ZFAND3: variants seen among roughly 807,000 people sequenced by gnomAD.
ZFAND3 encodes zinc finger AN1-type containing 3.
Under a neutral mutation model 29.6 loss-of-function variants are expected in ZFAND3, and 10 were observed. The observed-to-expected ratio is 0.34, with a 90% CI of 0.21 to 0.57. The LOEUF is 0.57. Among genes scored for constraint, ZFAND3 ranks in the 20% least tolerant of loss-of-function variants. The pLI, the probability that ZFAND3 is intolerant of heterozygous loss-of-function variation, is 0.86. For synonymous variants in ZFAND3, 128 were observed against 112.6 expected (o/e 1.14, Z -0.87); for missense variants, 230 against 304.5 (o/e 0.76, Z 1.82).
intron 2 of ZFAND3, among the ~76,000 whole-genome samples, chr6:38,024,298 G>C (rs1335087972): frequency 1.3e-5 from 2 of 151,590 alleles, no homozygotes; most frequent in African/African-American, 4.8e-5. Context: ...TGGTGAAACT[G>C]TCTCTACTAA....
intron 3 of ZFAND3, among the ~76,000 whole-genome samples, chr6:38,062,068 G>A (rs1764252399): frequency 6.6e-6 from 1 of 152,144 alleles, no homozygotes; most frequent in African/African-American, 2.4e-5. Flanking sequence ...TTAATCTTTA[G>A]CACCATTCCC....
intron 2 of ZFAND3, among the ~76,000 whole-genome samples, chr6:38,009,678 C>T (rs1382100185): frequency 3.3e-5 from 5 of 152,086 alleles, no homozygotes; most frequent in Non-Finnish European, 7.4e-5. Flanking sequence ...GTTCCTGGGC[C>T]AGATTAGGTC....
At chr6:37,976,674 A>T (rs1255379137) in intron 2 of ZFAND3, among the ~76,000 whole-genome samples, 1 of 151,630 alleles carries the variant, frequency 6.6e-6, no homozygotes, top group Non-Finnish European at 1.5e-5. Context: ...CTGCATGAAC[A>T]GGGAGGCCTC....
intron 2 of ZFAND3, among the ~76,000 whole-genome samples, chr6:37,962,431 T>G (rs1250041723): frequency 6.6e-6 from 1 of 152,180 alleles, no homozygotes; most frequent in Non-Finnish European, 1.5e-5. Flanking sequence ...GAAAGTTTAT[T>G]CAAATGGCAG....
At chr6:37,856,661 G>C (rs929932931) in intron 1 of ZFAND3, among the ~76,000 whole-genome samples, 1 of 151,944 alleles carries the variant, frequency 6.6e-6, no homozygotes, top group African/African-American at 2.4e-5. Context: ...TCTTGATACT[G>C]TGCCTAATAC....
At chr6:38,139,628 G>A (rs1005917717) in intron 5 of ZFAND3, among the ~76,000 whole-genome samples, 1 of 152,148 alleles carries the variant, frequency 6.6e-6, no homozygotes, top group Non-Finnish European at 1.5e-5. Context: ...GGTTGAGATC[G>A]TGCTTCAGTG....
intron 5 of ZFAND3, among the ~76,000 whole-genome samples, chr6:38,151,072 C>G (rs1766212330): frequency 1.3e-5 from 2 of 152,180 alleles, no homozygotes; most frequent in Admixed American, 6.5e-5. Context: ...CTCTGGGGAC[C>G]TCAGACGTCT....
At chr6:38,024,238 C>T (rs574997663) in intron 2 of ZFAND3, among the ~76,000 whole-genome samples, 235 of 152,052 alleles carry the variant, frequency 1.5e-3, no homozygotes, top group African/African-American at 5.3e-3. Flanking sequence ...TTTGGGAGGC[C>T]GAGGCGGGCA....
intron 5 of ZFAND3, among the ~76,000 whole-genome samples, chr6:38,146,942 A>T (rs188952428): frequency 6.6e-6 from 1 of 152,068 alleles, no homozygotes; most frequent in African/African-American, 2.4e-5. Flanking sequence ...GATTTTTTTT[A>T]TTTGTACAAA....
chr6:37,989,678 G>A (rs1214132484), intron 2 of ZFAND3, among the ~76,000 whole-genome samples: 1 of 152,166 alleles, frequency 6.6e-6, no homozygotes, highest in African/African-American at 2.4e-5. Flanking sequence ...GTTAGGCAGA[G>A]GTGACACCAA....
At chr6:37,923,783 C>T (rs1761429364) in intron 1 of ZFAND3, among the ~76,000 whole-genome samples, 1 of 152,054 alleles carries the variant, frequency 6.6e-6, no homozygotes, top group Non-Finnish European at 1.5e-5. Flanking sequence ...TGTGAACTGT[C>T]ATTGATGAAA....
rs1191934123 is a variant in ZFAND3 at position 38,061,738 on chromosome 6, G to A, written c.258G>A (p.Pro86=). ...TTAGTCCCAGCCAGCAGCCGCTTCC[G>A]ACAGAACTGAATGTAACTTCACCGA... is the stretch of plus-strand genomic sequence containing the variant. ...PTLSPSQQPL[P]TELNVTSPSK... Residue 86 remains proline, a synonymous_variant, in exon 3 of 6, where the codon CCG becomes CCA. Coordinates refer to ENST00000287218, the MANE Select transcript of ZFAND3 (RefSeq NM_021943.3). 25 of 1,613,974 alleles carry A rather than the reference G, an allele frequency of 1.5e-5. No homozygotes were observed. Among genetic ancestry groups the A allele is most frequent in the East Asian group, 2.2e-5 (1 of 44,882 alleles).
Position 38,010,460 on chromosome 6 carries a change from G to C in ZFAND3, c.113-51133G>C, listed in dbSNP as rs79125589. Among the ~76,000 whole-genome samples the C allele has an allele frequency of 0.017, 2,543 of 152,210 alleles. 256 individuals are homozygous for C. In the East Asian group the frequency reaches 0.28, roughly 17 times the overall value. Reference sequence around the variant, plus strand: ...ATTTTGAAAGTTTATATCTAACACTGTCATTTTGATTAGATTAATTCAGGT... The same window carrying C: ...ATTTTGAAAGTTTATATCTAACACTCTCATTTTGATTAGATTAATTCAGGT... On this transcript the variant is annotated intron_variant, in intron 2 of 5. Transcript: ENST00000287218.
intron 4 of ZFAND3, among the ~76,000 whole-genome samples, chr6:38,090,080 T>G (rs1288713665): frequency 1.3e-5 from 2 of 152,214 alleles, no homozygotes; most frequent in Non-Finnish European, 1.5e-5. Context: ...CTCGAACTCC[T>G]GACCTCAAGT....
chr6:37,889,031 T>C (rs181831940), intron 1 of ZFAND3, among the ~76,000 whole-genome samples: 1 of 152,292 alleles, frequency 6.6e-6, no homozygotes, highest in East Asian at 1.9e-4. Flanking sequence ...AACACAAGCA[T>C]AAACTACACA....
chr6:38,082,261 C>G, intron 3 of ZFAND3, 131 bp from the exon 4 acceptor site: 2 of 754,020 alleles, frequency 2.7e-6, no homozygotes, highest in South Asian at 2.0e-5. Context: ...CACCGTCTTT[C>G]CTACTACTTC....
At chr6:38,038,581 CTAAAGACATTCATA>C (rs1266013976) in intron 2 of ZFAND3, among the ~76,000 whole-genome samples, 2 of 152,236 alleles carry the variant, frequency 1.3e-5, no homozygotes, top group Middle Eastern at 3.4e-3. Context: ...GGCAGGGTCT[CTAAAGACATTCATA>C]TAGGAGAATG....
At chr6:38,097,111 A>G (rs527433325) in intron 4 of ZFAND3, among the ~76,000 whole-genome samples, 2 of 152,132 alleles carry the variant, frequency 1.3e-5, no homozygotes, top group South Asian at 4.2e-4. Flanking sequence ...GTCTCACTCT[A>G]TTCACCTAGT....
At position 38,049,867 on chromosome 6, in the gene ZFAND3, C is replaced by T. The variant is rs572096479; in HGVS notation, c.113-11726C>T. ...CTTTGGGAAAGAGATTGACTCTCCT[C>T]GCTCCCCCACCCCCACCCCCACCCC... On this transcript the variant is annotated intron_variant, in intron 2 of 5. Transcript: ENST00000287218. Among the ~76,000 whole-genome samples the T allele has an allele frequency of 7.2e-5, 10 of 138,376 alleles. No individual in the cohort carries two copies. The South Asian group carries it at 1.7e-3, about 23-fold the overall frequency. 90.8% of individuals were successfully genotyped at this position (138,376 alleles called of 152,430 possible). A position where few individuals can be genotyped will look rare whatever the true frequency, so the allele number is the denominator to read the frequency against.
Sources: allele counts gnomAD v4.1 joint callset (sites outside exome capture counted in the v4.1 genomes callset), GRCh38; gene constraint gnomAD v4.1.1; transcripts MANE v1.5; gene names NCBI Gene and HGNC (gene_info 2026-07-23, HGNC 2026-07-21).